Variants in CNNM2 observed in about 807,000 individuals in gnomAD.
The protein encoded by CNNM2 is metal transporter CNNM2.
Under a neutral mutation model 66.9 loss-of-function variants are expected in CNNM2, and 12 were observed. The observed-to-expected ratio is 0.18, with a 90% CI of 0.11 to 0.29. CNNM2 has a LOEUF of 0.29. CNNM2 is among the 10% of genes least tolerant of loss of function. The probability of loss-of-function intolerance (pLI) is 1.00; values close to 1 mark genes in which losing one functional copy is unlikely to be tolerated. For synonymous variants in CNNM2, 557 were observed against 501.8 expected (o/e 1.11, Z -1.47); for missense variants, 705 against 1,167.7 (o/e 0.60, Z 5.77).
intron 1 of CNNM2, among the ~76,000 whole-genome samples, chr10:102,932,735 T>A (rs1239641839): frequency 6.6e-6 from 1 of 151,964 alleles, no homozygotes; most frequent in African/African-American, 2.4e-5. Flanking sequence ...CTGGCCAACA[T>A]GGTGAAACCC....
intron 1 of CNNM2, chr10:102,927,267 A>T: frequency 1.9e-6 from 3 of 1,594,114 alleles, no homozygotes; most frequent in Non-Finnish European, 2.6e-6. Flanking sequence ...ATTAAACTCA[A>T]ACATGTGGAA....
At chr10:102,969,038 C>T (rs1430179251) in intron 1 of CNNM2, among the ~76,000 whole-genome samples, 2 of 151,280 alleles carry the variant, frequency 1.3e-5, no homozygotes, top group African/African-American at 2.4e-5. Flanking sequence ...TTAAACTTTC[C>T]GAGTAGCTGG....
intron 1 of CNNM2, among the ~76,000 whole-genome samples, chr10:103,025,918 A>T (rs1012258247): frequency 5.3e-5 from 8 of 152,210 alleles, no homozygotes; most frequent in African/African-American, 1.9e-4. Context: ...TTAATCTCCA[A>T]TGCAAACACT....
chr10:102,969,800 C>T (rs1034181239), intron 1 of CNNM2, among the ~76,000 whole-genome samples: 6 of 151,838 alleles, frequency 4.0e-5, no homozygotes, highest in African/African-American at 7.3e-5. Flanking sequence ...TGCACCACCA[C>T]GCCTGGCTAA....
intron 2 of CNNM2, among the ~76,000 whole-genome samples, chr10:103,052,056 C>T (rs911642904): frequency 2.0e-5 from 3 of 151,934 alleles, no homozygotes; most frequent in African/African-American, 7.3e-5. Flanking sequence ...GCAGGCGGAT[C>T]ATGAGGTCAA....
intron 1 of CNNM2, among the ~76,000 whole-genome samples, chr10:102,988,475 C>A (rs2063838141): frequency 6.6e-6 from 1 of 152,120 alleles, no homozygotes; most frequent in Non-Finnish European, 1.5e-5. Context: ...CAAAGAAATT[C>A]TATAGGTCTG....
intron 1 of CNNM2, among the ~76,000 whole-genome samples, chr10:102,920,525 G>C (rs1441263084): frequency 6.6e-6 from 1 of 152,118 alleles, no homozygotes; most frequent in Non-Finnish European, 1.5e-5. Context: ...TGGAAAACAT[G>C]TAACTAGCTT....
chr10:103,002,326 C>T (rs533470763), intron 1 of CNNM2, among the ~76,000 whole-genome samples: 1 of 152,230 alleles, frequency 6.6e-6, no homozygotes, highest in East Asian at 1.9e-4. Flanking sequence ...AGACATTTCT[C>T]TAACAAGGAT....
chr10:102,964,648 C>A (rs775676900), intron 1 of CNNM2, among the ~76,000 whole-genome samples: 1 of 152,114 alleles, frequency 6.6e-6, no homozygotes, highest in Non-Finnish European at 1.5e-5. Context: ...TGTGATACAG[C>A]AGAGAAGACA....
chr10:102,985,946 T>A (rs1320275487), intron 1 of CNNM2, among the ~76,000 whole-genome samples: 2 of 152,216 alleles, frequency 1.3e-5, no homozygotes, highest in African/African-American at 2.4e-5. Context: ...TAGTGTTATC[T>A]GTTTACCTGT....
chr10:102,930,081 A>G (rs780367135), intron 1 of CNNM2, among the ~76,000 whole-genome samples: 1 of 152,214 alleles, frequency 6.6e-6, no homozygotes, highest in Non-Finnish European at 1.5e-5. Flanking sequence ...TTTATGTTGT[A>G]TGTGTGTTGC....
At chr10:103,015,981 A>G (rs967724830) in intron 1 of CNNM2, among the ~76,000 whole-genome samples, 4 of 152,192 alleles carry the variant, frequency 2.6e-5, no homozygotes, top group African/African-American at 9.6e-5. Context: ...GCCCCCTTAC[A>G]GCTTTTAAGA....
intron 1 of CNNM2, among the ~76,000 whole-genome samples, chr10:102,998,899 C>T (rs1412532570): frequency 6.6e-6 from 1 of 151,964 alleles, no homozygotes; most frequent in African/African-American, 2.4e-5. Context: ...TAAAAAATCA[C>T]TTATTTCTTT....
Position 103,090,062 on chromosome 10 carries a change from T to TAG in CNNM2, c.*12883_*12884insGA. 1 of 532,566 alleles carries TAG rather than the reference T, an allele frequency of 1.9e-6. No individual in the cohort carries two copies. Among genetic ancestry groups the TAG allele is most frequent in the South Asian group, 3.8e-5 (1 of 26,600 alleles). The allele number at this position is 532,566 out of a possible 1,614,324, so 33.0% of individuals were successfully genotyped here. A position where few individuals can be genotyped will look rare whatever the true frequency, so the allele number is the denominator to read the frequency against. On this transcript the variant is annotated 3_prime_UTR_variant, in exon 8 of 8. Coordinates refer to ENST00000369878, the MANE Select transcript of CNNM2 (RefSeq NM_017649.5). ...ATAGACTTATCTTCATAGAACTACT[T>TAG]ATAGTTGCCTGTCTTCCTCTCTCCC... is the stretch of plus-strand genomic sequence containing the variant.
At chr10:103,009,510 C>T (rs1017540893) in intron 1 of CNNM2, among the ~76,000 whole-genome samples, 33 of 151,510 alleles carry the variant, frequency 2.2e-4, no homozygotes, top group African/African-American at 2.7e-4. Flanking sequence ...TGGGCAACAC[C>T]GTGAGACACT....
chr10:103,019,256 G>A (rs2064520072), intron 1 of CNNM2, among the ~76,000 whole-genome samples: 1 of 147,076 alleles, frequency 6.8e-6, no homozygotes. Context: ...GCGACATAGT[G>A]AGACCCTGTC....
chr10:102,962,211 G>T (rs1441979937), intron 1 of CNNM2, among the ~76,000 whole-genome samples: 1 of 152,198 alleles, frequency 6.6e-6, no homozygotes, highest in African/African-American at 2.4e-5. Flanking sequence ...CATAGCTAAT[G>T]CATGCGGGGC....
chr10:103,069,953 C>G (rs1026768866), intron 5 of CNNM2, among the ~76,000 whole-genome samples: 10 of 152,244 alleles, frequency 6.6e-5, no homozygotes, highest in Admixed American at 1.3e-4. Context: ...TGACATTGGT[C>G]TTCATCGACT....
intron 1 of CNNM2, among the ~76,000 whole-genome samples, chr10:103,043,296 G>T (rs2065073844): frequency 6.6e-6 from 1 of 152,158 alleles, no homozygotes; most frequent in Non-Finnish European, 1.5e-5. Flanking sequence ...TATTAGCACA[G>T]CTATATCACG....
Sources: allele counts gnomAD v4.1 joint callset (sites outside exome capture counted in the v4.1 genomes callset), GRCh38; gene constraint gnomAD v4.1.1; transcripts MANE v1.5; gene names NCBI Gene and HGNC (gene_info 2026-07-23, HGNC 2026-07-21).